MCM9: variants seen among roughly 807,000 people sequenced by gnomAD.
MCM9 encodes the protein minichromosome maintenance 9 homologous recombination repair factor.
In MCM9, 55 loss-of-function variants were observed where a neutral mutation model predicts 72.8. The observed-to-expected ratio is 0.76, with a 90% CI of 0.61 to 0.95. The LOEUF is 0.95. MCM9 is among the 40% of genes least tolerant of loss of function. The probability of loss-of-function intolerance (pLI) is 0.00; values close to 1 mark genes in which losing one functional copy is unlikely to be tolerated. For missense variants in MCM9, 1,279 were observed against 1,377.0 expected (o/e 0.93, Z 1.13); for synonymous variants, 480 against 503.4 (o/e 0.95, Z 0.62).
intron 9 of MCM9, among the ~76,000 whole-genome samples, chr6:118,842,710 G>A (rs549572175): frequency 3.9e-5 from 6 of 152,048 alleles, no homozygotes; most frequent in African/African-American, 1.4e-4. Flanking sequence ...TGAAGAAAAG[G>A]GGTCTCATTA....
At chr6:118,927,213 G>A (rs17080706) in intron 3 of MCM9, among the ~76,000 whole-genome samples, 1,586 of 152,250 alleles carry the variant, frequency 0.01, 30 homozygotes, top group African/African-American at 0.036. Flanking sequence ...AAGATCAGGA[G>A]AACCACATTA....
In MCM9 at chr6:118,815,408, CT is replaced by C; in HGVS notation, c.2847del (p.Val950PhefsTer19). On this transcript the variant is annotated frameshift_variant, in exon 14 of 14. Coordinates refer to ENST00000619706, the MANE Select transcript of MCM9 (RefSeq NM_017696.3). LOFTEE classifies it low-confidence loss of function (END_TRUNC). ...CGCTGGGAAATTTTAGGACTATGAA[CT>C]GCTATTTTAGTTGCACCAGGTGACA... ...SHVSPGATKIAVHSPKISQRR... is the reference protein window; with the variant it reads ...SHVSPGATKIXVHSPKISQRR... 1.3e-6 allele frequency: 2 copies of C among 1,550,446 alleles called. No homozygotes were observed. The highest frequency in any genetic ancestry group is 2.4e-5 in the South Asian group (2 of 84,052).
chr6:118,888,735 A>G (rs1201823722), intron 8 of MCM9, among the ~76,000 whole-genome samples: 1 of 152,258 alleles, frequency 6.6e-6, no homozygotes, highest in Non-Finnish European at 1.5e-5. Context: ...ATGGAAAATT[A>G]TTGGGTAATA....
intron 3 of MCM9, among the ~76,000 whole-genome samples, chr6:118,928,683 A>C (rs1392703989): frequency 6.0e-5 from 8 of 133,966 alleles, no homozygotes; most frequent in Admixed American, 7.3e-5. Flanking sequence ...CCACCTCTAC[A>C]AAAAAAAAAA....
rs1035217433 is a variant in MCM9 at position 118,930,233 on chromosome 6, T to C, written c.304+1187A>G. Among the ~76,000 whole-genome samples the C allele has an allele frequency of 2.8e-4, 42 of 152,158 alleles. 2 individuals carry two copies. In the East Asian group the frequency reaches 7.9e-3, roughly 29 times the overall value. On this transcript the variant is annotated intron_variant, in intron 3 of 13. Transcript: ENST00000619706. ...TCACACCATTCTCCTGCCTCAGCCT[T>C]CTGAGTAGCTGGGACTACAGGCGCC...
intron 8 of MCM9, chr6:118,907,817 GTTATT>G (rs915623142): frequency 1.6e-5 from 8 of 493,752 alleles, no homozygotes; most frequent in South Asian, 5.9e-5. Context: ...TCTCTAATGT[GTTATT>G]TTATTTGTTC....
intron 8 of MCM9, among the ~76,000 whole-genome samples, chr6:118,906,520 T>G (rs536394109): frequency 1.4e-4 from 21 of 152,340 alleles, no homozygotes; most frequent in Admixed American, 9.8e-4. Flanking sequence ...GATGATATTT[T>G]TGTGTGTAAC....
chr6:118,926,120 T>C (rs1055870031), intron 3 of MCM9, among the ~76,000 whole-genome samples: 9 of 152,206 alleles, frequency 5.9e-5, no homozygotes, highest in Non-Finnish European at 7.4e-5. Context: ...CTGGCAACCA[T>C]TGATCTACTT....
intron 9 of MCM9, among the ~76,000 whole-genome samples, chr6:118,843,329 T>TAA (rs1224375337): frequency 6.9e-6 from 1 of 145,386 alleles, no homozygotes; most frequent in African/African-American, 2.5e-5. Context: ...AGTGACACAT[T>TAA]AAAAAAAAAA....
chr6:118,836,514 A>C (rs1488797842), intron 9 of MCM9, among the ~76,000 whole-genome samples: 5 of 152,148 alleles, frequency 3.3e-5, no homozygotes, highest in Admixed American at 2.0e-4. Context: ...TTACTGCCTC[A>C]ATTTCAAAAC....
At chr6:118,865,187 AT>A (rs1324406825) in intron 8 of MCM9, among the ~76,000 whole-genome samples, 1 of 152,070 alleles carries the variant, frequency 6.6e-6, no homozygotes, top group Non-Finnish European at 1.5e-5. Context: ...GGAACAAAGT[AT>A]ATGTGAGTCT....
At chr6:118,883,894 A>C (rs896656237) in intron 8 of MCM9, among the ~76,000 whole-genome samples, 1 of 152,256 alleles carries the variant, frequency 6.6e-6, no homozygotes, top group Admixed American at 6.5e-5. Context: ...TGAAAAAAGA[A>C]TGAGCACTGG....
At chr6:118,894,323 C>CG (rs1226606429) in intron 8 of MCM9, 5 of 1,514,702 alleles carry the variant, frequency 3.3e-6, no homozygotes, top group East Asian at 2.5e-5. Context: ...GGCGCTGGAG[C>CG]GGGGGTCTGC....
chr6:118,905,376 A>T (rs1355469217), intron 8 of MCM9, among the ~76,000 whole-genome samples: 1 of 152,238 alleles, frequency 6.6e-6, no homozygotes, highest in Non-Finnish European at 1.5e-5. Flanking sequence ...TCCTTTCATG[A>T]ACCACCATGC....
intron 8 of MCM9, among the ~76,000 whole-genome samples, chr6:118,892,158 A>G (rs1237164942): frequency 1.3e-5 from 2 of 152,262 alleles, no homozygotes; most frequent in African/African-American, 4.8e-5. Context: ...ACTATTGAAC[A>G]AAGTGCTCAA....
At chr6:118,912,983 T>C in intron 7 of MCM9, 1 of 221,682 alleles carries the variant, frequency 4.5e-6, no homozygotes, top group Non-Finnish European at 8.9e-6. Context: ...TTTTTCCTTT[T>C]GAAAACAGAC....
At chr6:118,867,699 C>A (rs1007618435) in intron 8 of MCM9, among the ~76,000 whole-genome samples, 1 of 151,972 alleles carries the variant, frequency 6.6e-6, no homozygotes, top group Non-Finnish European at 1.5e-5. Flanking sequence ...GTAGATTATA[C>A]CATCTAGGGT....
intron 7 of MCM9, 188 bp downstream of exon 7, chr6:118,913,107 T>C: frequency 1.6e-6 from 1 of 613,156 alleles, no homozygotes; most frequent in Non-Finnish European, 2.7e-6. Context: ...TCAGTCTTTC[T>C]GGAACTCTAG....
rs983289297 is a variant in MCM9 at position 118,900,974 on chromosome 6, G to C, written c.1150+10676C>G. 106 of 911,422 alleles carry C rather than the reference G, an allele frequency of 1.2e-4. No individual in the cohort carries two copies. The African/African-American group carries it at 1.6e-3, about 14-fold the overall frequency. 56.5% of individuals were successfully genotyped at this position (911,422 alleles called of 1,614,324 possible). A position where few individuals can be genotyped will look rare whatever the true frequency, so the allele number is the denominator to read the frequency against. ...TATAACCCTTATCCCTTTCCTTTTG[G>C]GTTAAAGAACTGCTTCTGCTGCATT... On this transcript the variant is annotated intron_variant, in intron 8 of 13. Coordinates refer to ENST00000619706, the MANE Select transcript of MCM9 (RefSeq NM_017696.3).
Sources: gnomAD v4.1 joint callset for allele counts (sites outside exome capture counted in the v4.1 genomes callset) on GRCh38, gnomAD v4.1.1 for gene constraint, MANE v1.5 for transcripts, NCBI Gene and HGNC (gene_info 2026-07-23, HGNC 2026-07-21) for gene names.